Variants in ZNF81 observed in about 807,000 individuals in gnomAD.
ZNF81 encodes the protein zinc finger protein 81.
ZNF81 carries 5 observed loss-of-function variants against 32.3 expected under a neutral mutation model. The ratio of observed to expected loss-of-function variants is 0.15; its 90% CI spans 0.08 to 0.33. ZNF81 has a LOEUF of 0.33. Ranked by LOEUF, ZNF81 falls within the 10% of genes least tolerant of loss-of-function variation. ZNF81 has a pLI of 1.00. For missense variants in ZNF81, 379 were observed against 479.8 expected (o/e 0.79, Z 1.96); for synonymous variants, 163 against 166.8 (o/e 0.98, Z 0.17).
chrX:47,854,790 A>G (rs782277076), intron 2 of ZNF81, among the ~76,000 whole-genome samples: 33 of 112,031 alleles, frequency 2.9e-4, no homozygotes, highest in Non-Finnish European at 5.1e-4. Context: ...CTGATCACAG[A>G]GTACCATAAC....
chrX:47,899,994 A>T (rs782186779), intron 4 of ZNF81, among the ~76,000 whole-genome samples: 2 of 111,174 alleles, frequency 1.8e-5, no homozygotes, highest in Non-Finnish European at 3.8e-5. Flanking sequence ...ATAATCTATA[A>T]CTCAGGTTGG....
Position 47,889,498 on chromosome X carries a change from C to G in ZNF81, c.181+1373C>G, listed in dbSNP as rs533809851. Among the ~76,000 whole-genome samples the G allele has an allele frequency of 5.0e-4, 56 of 112,237 alleles. 1 individual carries two copies. The highest frequency in any genetic ancestry group is 5.6e-4 in the East Asian group (2 of 3,549). The stretch of plus-strand genomic sequence containing the variant: ...GGGGGACCCATTGCCTCCTTAGTTT[C>G]AGAGAACAGGGCCATCTGTTTTCAG... On this transcript the variant is annotated intron_variant, in intron 3 of 4. Transcript: ENST00000338637.
chrX:47,862,384 G>T (rs375466080), intron 2 of ZNF81, among the ~76,000 whole-genome samples: 3 of 109,574 alleles, frequency 2.7e-5, no homozygotes, highest in Admixed American at 9.8e-5. Flanking sequence ...TTAGCCGGGC[G>T]TGGTGGCAGG....
At chrX:47,838,689 G>A (rs1556879383) in intron 1 of ZNF81, among the ~76,000 whole-genome samples, 1 of 111,791 alleles carries the variant, frequency 8.9e-6, no homozygotes, top group African/African-American at 3.2e-5. Context: ...TGGATATATT[G>A]AAGGAATTGA....
intron 2 of ZNF81, 35 bp from the exon 3 acceptor site, chrX:47,887,964 A>G: frequency 8.3e-7 from 1 of 1,211,435 alleles, no homozygotes; most frequent in Non-Finnish European, 1.1e-6. Flanking sequence ...TCCAGTGCTG[A>G]TCATGTTGCC....
At chrX:47,893,594 T>C (rs2058669614) in intron 3 of ZNF81, among the ~76,000 whole-genome samples, 1 of 110,097 alleles carries the variant, frequency 9.1e-6, no homozygotes, top group East Asian at 2.9e-4. Context: ...CCCAGCCTCT[T>C]ACAAAAAGAG....
intron 4 of ZNF81, among the ~76,000 whole-genome samples, chrX:47,901,747 G>T (rs2058698965): frequency 1.1e-5 from 1 of 88,337 alleles, no homozygotes; most frequent in South Asian, 5.5e-4. Context: ...AGAGAGATTG[G>T]TCTTTAGTTT....
intron 2 of ZNF81, among the ~76,000 whole-genome samples, chrX:47,883,985 T>C (rs2058630884): frequency 9.0e-6 from 1 of 110,687 alleles, no homozygotes; most frequent in Non-Finnish European, 1.9e-5. Context: ...TGGTGGCTCA[T>C]GCCTGTAATC....
chrX:47,894,272 T>C (rs1219779580), intron 3 of ZNF81, among the ~76,000 whole-genome samples: 1 of 111,155 alleles, frequency 9.0e-6, no homozygotes, highest in Non-Finnish European at 1.9e-5. Flanking sequence ...GGTGATCAAA[T>C]ATTACGTGGG....
chrX:47,883,235 T>TA (rs1178442575), intron 2 of ZNF81, among the ~76,000 whole-genome samples: 5 of 111,474 alleles, frequency 4.5e-5, no homozygotes, highest in African/African-American at 1.6e-4. Context: ...TTTTGCTCAT[T>TA]AAAAAAAATT....
chrX:47,913,603 C>T (rs1569394185), intron 4 of ZNF81, among the ~76,000 whole-genome samples: 1 of 112,009 alleles, frequency 8.9e-6, no homozygotes, highest in East Asian at 2.8e-4. Context: ...CATATTCATT[C>T]TTCACTATGT....
intron 2 of ZNF81, among the ~76,000 whole-genome samples, chrX:47,867,631 T>C (rs971580891): frequency 2.1e-4 from 23 of 112,163 alleles, no homozygotes; most frequent in Non-Finnish European, 2.1e-4. Context: ...AACATTTGCA[T>C]TGTGGGAAAA....
chrX:47,840,695 A>G (rs1363760352), intron 1 of ZNF81, among the ~76,000 whole-genome samples: 2 of 109,839 alleles, frequency 1.8e-5, no homozygotes, highest in African/African-American at 3.3e-5. Context: ...TTTAGTAGAG[A>G]CGGGGTTTCT....
chrX:47,901,250 G>A (rs1321660318), intron 4 of ZNF81, among the ~76,000 whole-genome samples: 2 of 111,808 alleles, frequency 1.8e-5, no homozygotes, highest in Non-Finnish European at 3.8e-5. Flanking sequence ...CTTGTATTCC[G>A]AGACTTTGCT....
intron 2 of ZNF81, among the ~76,000 whole-genome samples, chrX:47,859,235 G>T (rs1350246427): frequency 1.8e-5 from 2 of 111,221 alleles, no homozygotes; most frequent in Non-Finnish European, 3.8e-5. Flanking sequence ...TGTCCACCTT[G>T]AGTAGTGACA....
rs1273159699 is a variant in ZNF81 at position 47,921,290 on chromosome X, G to A, written c.*4658G>A. Reference sequence around the variant, plus strand: ...GCTTGAGAAGTGCCTGCACAATGAGGCTTGCCCACTTTTGCAGCTCTTTGG... The same window carrying A: ...GCTTGAGAAGTGCCTGCACAATGAGACTTGCCCACTTTTGCAGCTCTTTGG... On this transcript the variant is annotated 3_prime_UTR_variant, in exon 5 of 5. Transcript: ENST00000338637. 2.7e-5 allele frequency: 3 copies of A among 110,580 alleles called. No homozygotes were observed. Among genetic ancestry groups the A allele is most frequent in the Admixed American group, 9.8e-5 (1 of 10,216 alleles). 9.1% of individuals were successfully genotyped at this position (110,580 alleles called of 1,213,427 possible).
intron 3 of ZNF81, among the ~76,000 whole-genome samples, chrX:47,895,643 G>A (rs183602559): frequency 8.9e-6 from 1 of 111,901 alleles, no homozygotes. Flanking sequence ...ACAGAGCCTC[G>A]TTGTGTTTCC....
intron 4 of ZNF81, among the ~76,000 whole-genome samples, chrX:47,905,596 C>G (rs1473778105): frequency 1.8e-5 from 2 of 110,087 alleles, no homozygotes; most frequent in Non-Finnish European, 3.8e-5. Flanking sequence ...ACTGGGGAAC[C>G]CTAGCCATCT....
intron 2 of ZNF81, among the ~76,000 whole-genome samples, chrX:47,881,106 A>G (rs1417406267): frequency 8.9e-6 from 1 of 112,156 alleles, no homozygotes; most frequent in African/African-American, 3.2e-5. Context: ...GAGTTGGGCT[A>G]GTGGGACTGA....
Sources: allele counts gnomAD v4.1 joint callset (sites outside exome capture counted in the v4.1 genomes callset), GRCh38; gene constraint gnomAD v4.1.1; transcripts MANE v1.5; gene names NCBI Gene and HGNC (gene_info 2026-07-23, HGNC 2026-07-21).